The following LUC7L variants were observed in gnomAD, a reference collection of about 807,000 sequenced individuals.
The protein encoded by LUC7L is LUC7 like, also known as putative RNA-binding protein Luc7-like 1.
A neutral mutation model predicts 51.1 loss-of-function variants in LUC7L; 29 were observed. The ratio of observed to expected loss-of-function variants is 0.57; its 90% CI spans 0.42 to 0.77. The LOEUF is 0.77. LUC7L is among the 30% of genes least tolerant of loss of function. The probability of loss-of-function intolerance (pLI) is 0.00; values close to 1 mark genes in which losing one functional copy is unlikely to be tolerated. For missense variants in LUC7L, 403 were observed against 511.9 expected (o/e 0.79, Z 2.05); for synonymous variants, 181 against 180.7 (o/e 1.00, Z -0.01).
intron 7 of LUC7L, among the ~76,000 whole-genome samples, chr16:191,910 T>C (rs1170636229): frequency 6.6e-6 from 1 of 152,162 alleles, no homozygotes; most frequent in Admixed American, 6.6e-5. Context: ...AAAAGTGGTT[T>C]GGGAACCTTC....
rs1225738634 is a variant in LUC7L, at chr16:229,222, G to A, written c.61+57C>T. Reference sequence around the variant, plus strand: ...TCGCGGCCCCCGCCTCAGGCCGCCCGGCGGCCTCGCCTCACTCCCACCCCA... The same window carrying A: ...TCGCGGCCCCCGCCTCAGGCCGCCCAGCGGCCTCGCCTCACTCCCACCCCA... On this transcript the variant is annotated intron_variant, in intron 1 of 9. Coordinates refer to ENST00000293872, the MANE Select transcript of LUC7L (RefSeq NM_201412.3). The A allele has an allele frequency of 1.5e-5, 22 of 1,510,646 alleles. No homozygotes were observed. In the Admixed American group the frequency reaches 4.0e-4, roughly 27 times the overall value. 93.6% of individuals were successfully genotyped at this position (1,510,646 alleles called of 1,614,324 possible). A position where few individuals can be genotyped will look rare whatever the true frequency, so the allele number is the denominator to read the frequency against.
chr16:225,986 T>A (rs1275048474), intron 2 of LUC7L, among the ~76,000 whole-genome samples: 1 of 128,200 alleles, frequency 7.8e-6, no homozygotes, highest in African/African-American at 2.8e-5. Flanking sequence ...AATTCCAAGT[T>A]GTGCATCCTA....
At chr16:199,778 A>AAG (rs1272878628) in intron 5 of LUC7L, among the ~76,000 whole-genome samples, 26 of 146,700 alleles carry the variant, frequency 1.8e-4, no homozygotes, top group African/African-American at 6.0e-4. Context: ...AAAAAAAAAA[A>AAG]AGAGAGATCG....
intron 5 of LUC7L, among the ~76,000 whole-genome samples, chr16:201,620 T>C (rs981810653): frequency 6.6e-5 from 10 of 152,004 alleles, no homozygotes; most frequent in African/African-American, 1.9e-4. Flanking sequence ...TTTGTATTTT[T>C]AGTAGAGACG....
At chr16:204,239 T>G (rs2049414808) in intron 5 of LUC7L, among the ~76,000 whole-genome samples, 1 of 150,900 alleles carries the variant, frequency 6.6e-6, no homozygotes, top group Non-Finnish European at 1.5e-5. Context: ...AGGTCAGAAG[T>G]TTGAGACCAG....
chr16:225,087 C>T (rs2050092366), intron 2 of LUC7L, among the ~76,000 whole-genome samples: 1 of 152,134 alleles, frequency 6.6e-6, no homozygotes, highest in Non-Finnish European at 1.5e-5. Context: ...CTGCTAAATC[C>T]AGTGTGTCAG....
intron 2 of LUC7L, among the ~76,000 whole-genome samples, chr16:223,675 C>CT (rs113627667): frequency 1.4e-3 from 206 of 143,606 alleles, no homozygotes; most frequent in Middle Eastern, 3.5e-3. Flanking sequence ...TCTGTTTTTT[C>CT]TTTTTTTTTT....
In LUC7L at chr16:190,540, C is replaced by T; in HGVS notation, c.806+1G>A. 2 of 1,613,810 alleles carry T rather than the reference C, an allele frequency of 1.2e-6. No homozygotes were observed. Among genetic ancestry groups the T allele is most frequent in the African/African-American group, 1.3e-5 (1 of 75,024 alleles). On this transcript the variant is annotated splice_donor_variant, in intron 8 of 9. Transcript: ENST00000293872. LOFTEE classifies it high-confidence loss of function. ...ACATTTTAATGGACCTGGAAACCTACCTCCTGCGATCTCTGGTTCTTGATC... is the reference window on the plus strand; with the variant it reads ...ACATTTTAATGGACCTGGAAACCTATCTCCTGCGATCTCTGGTTCTTGATC...
At chr16:223,953 C>T (rs1275418923) in intron 2 of LUC7L, among the ~76,000 whole-genome samples, 1 of 151,804 alleles carries the variant, frequency 6.6e-6, no homozygotes, top group Non-Finnish European at 1.5e-5. Flanking sequence ...GCTGGGATTA[C>T]AGGTATGAGC....
Position 223,454 on chromosome 16 carries a change from C to T in LUC7L, c.157-2707G>A, listed in dbSNP as rs541436383. 2.0e-5 allele frequency among the ~76,000 whole-genome samples: 3 copies of T among 152,242 alleles called. No homozygotes were observed. The East Asian group carries it at 5.8e-4, about 29-fold the overall frequency. On this transcript the variant is annotated intron_variant, in intron 2 of 9. Coordinates refer to ENST00000293872, the MANE Select transcript of LUC7L (RefSeq NM_201412.3). ...ACCAATAATAAAGCTAACATGGAGG[C>T]GGCAGACAACGGGTCTGCCTTGTAT...
intron 2 of LUC7L, among the ~76,000 whole-genome samples, chr16:226,351 G>A (rs1194200696): frequency 6.6e-6 from 1 of 152,024 alleles, no homozygotes; most frequent in African/African-American, 2.4e-5. Flanking sequence ...CTTAAAATGG[G>A]GGTGGTCTCT....
rs1485416294 is a variant in LUC7L at position 207,035 on chromosome 16, T to C, written c.367-888A>G. On this transcript the variant is annotated intron_variant, in intron 4 of 9. Coordinates refer to ENST00000293872, the MANE Select transcript of LUC7L (RefSeq NM_201412.3). ...TAACACAGTGAAACCCCGTCTCTAC[T>C]AAAAATACAAAAAATTAGCTGGGCG... 3.3e-5 allele frequency among the ~76,000 whole-genome samples: 5 copies of C among 151,016 alleles called. No homozygotes were observed. The South Asian group carries it at 6.3e-4, about 19-fold the overall frequency.
chr16:205,879 G>C, intron 5 of LUC7L, 125 bp downstream of exon 5: 2 of 1,160,528 alleles, frequency 1.7e-6, no homozygotes, highest in Non-Finnish European at 2.4e-6. Flanking sequence ...GTGAGCCACT[G>C]TGCTGGGCCC....
intron 9 of LUC7L, 36 bp downstream of exon 9, chr16:189,932 C>G: frequency 2.5e-6 from 4 of 1,586,910 alleles, no homozygotes; most frequent in Admixed American, 1.7e-5. Context: ...AGGGCTCACT[C>G]CTGGTTGCAG....
intron 3 of LUC7L, among the ~76,000 whole-genome samples, chr16:218,541 C>T (rs767656967): frequency 9.2e-5 from 14 of 151,850 alleles, no homozygotes; most frequent in African/African-American, 1.9e-4. Flanking sequence ...GCCAACATGG[C>T]GAAACCACAT....
chr16:199,168 G>A lies in LUC7L; in HGVS notation c.581C>T (p.Ser194Leu). ...QQKLRVCEVC[S>L]AYLGLHDNDR... is the part of the protein sequence containing the mutation. Reference sequence around the variant, plus strand: ...ATTGTCATGGAGACCAAGGTAGGCTGAACAGACCTCGCAGACACGCAGCTT... The same window carrying A: ...ATTGTCATGGAGACCAAGGTAGGCTAAACAGACCTCGCAGACACGCAGCTT... Residue 194 changes from serine to leucine, a missense_variant, in exon 6 of 10, where the codon TCA becomes TTA. This residue lies in a region of LUC7L where 182 missense variants were observed against 248.4 expected (regional missense o/e 0.73). Coordinates refer to ENST00000293872, the MANE Select transcript of LUC7L (RefSeq NM_201412.3). 6.2e-7 allele frequency: 1 copy of A among 1,612,694 alleles called. No individual in the cohort carries two copies. The highest frequency in any genetic ancestry group is 8.5e-7 in the Non-Finnish European group (1 of 1,178,768).
chr16:228,953 G>A (rs1032876427), intron 1 of LUC7L: 2 of 1,407,822 alleles, frequency 1.4e-6, no homozygotes, highest in African/African-American at 1.4e-5. Context: ...GCTGATTCCA[G>A]CCCTCCGCCG....
At chr16:193,857 G>A (rs1490837521) in intron 6 of LUC7L, among the ~76,000 whole-genome samples, 5 of 150,522 alleles carry the variant, frequency 3.3e-5, no homozygotes, top group African/African-American at 1.2e-4. Flanking sequence ...AGGCTGGAGT[G>A]CAGTGGCGCA....
At chr16:191,717 G>C (rs1486906143) in intron 7 of LUC7L, among the ~76,000 whole-genome samples, 2 of 152,112 alleles carry the variant, frequency 1.3e-5, no homozygotes, top group Non-Finnish European at 2.9e-5. Context: ...TGATGGCACA[G>C]GCCTGTAGTC....
Sources: gnomAD v4.1 joint callset for allele counts (sites outside exome capture counted in the v4.1 genomes callset) on GRCh38, gnomAD v4.1.1 for gene constraint, gnomAD v4.1.1 regional missense constraint, MANE v1.5 for transcripts, NCBI Gene and HGNC (gene_info 2026-07-23, HGNC 2026-07-21) for gene names.